CFHR4: variants seen among roughly 807,000 people sequenced by gnomAD.
The protein encoded by CFHR4 is complement factor H related 4, also known as complement factor H-related protein 4.
Under a neutral mutation model 69.3 loss-of-function variants are expected in CFHR4, and 64 were observed. That is an observed-to-expected ratio of 0.92 (90% CI 0.76 to 1.14). The LOEUF is 1.14. Ranked by LOEUF, CFHR4 falls within the 50% of genes most tolerant of loss-of-function variation. CFHR4 has a pLI of 0.00. For synonymous variants in CFHR4, 244 were observed against 237.0 expected, an observed-to-expected ratio of 1.03 and a Z score of -0.27; for missense variants, 636 against 684.9, an observed-to-expected ratio of 0.93 and a Z score of 0.80.
rs1252354197 is a variant in CFHR4, at chr1:196,889,811, T to C, written c.58+1603T>C. Reference sequence around the variant, plus strand: ...AAGATGTAATTAAGTTAAAGGTCAATGATTCAGGTGGGACCTACTCCAATA... The same window carrying C: ...AAGATGTAATTAAGTTAAAGGTCAACGATTCAGGTGGGACCTACTCCAATA... On this transcript the variant is annotated intron_variant, in intron 1 of 9. Coordinates refer to ENST00000608469, the MANE Select transcript of CFHR4 (RefSeq NM_001201550.3). Among the ~76,000 whole-genome samples, 4 of 151,408 alleles carry C rather than the reference T, an allele frequency of 2.6e-5. 1 individual carries two copies. Among genetic ancestry groups the C allele is most frequent in the African/African-American group, 9.7e-5 (4 of 41,036 alleles).
At position 196,912,654 on chromosome 1, in the gene CFHR4, C is replaced by T. The variant is rs1658339705; in HGVS notation, c.998-86C>T. On this transcript the variant is annotated intron_variant, in intron 6 of 9. Transcript: ENST00000608469. ...CATTAACAAATGTTTCATTGTTTTGCCATATTGCCATGTTTTTACTTGTTC... is the reference window on the plus strand; with the variant it reads ...CATTAACAAATGTTTCATTGTTTTGTCATATTGCCATGTTTTTACTTGTTC... 3 of 1,357,372 alleles carry T rather than the reference C, an allele frequency of 2.2e-6. No homozygotes were observed. In the Admixed American group the frequency reaches 7.8e-5, roughly 35 times the overall value. 84.1% of individuals were successfully genotyped at this position (1,357,372 alleles called of 1,614,324 possible). A position where few individuals can be genotyped will look rare whatever the true frequency, so the allele number is the denominator to read the frequency against.
intron 1 of CFHR4, among the ~76,000 whole-genome samples, chr1:196,889,234 AT>A (rs1656890546): frequency 1.3e-5 from 2 of 151,502 alleles, no homozygotes; most frequent in Non-Finnish European, 2.9e-5. Flanking sequence ...GTTTTACAGT[AT>A]TATCTATCAC....
chr1:196,893,930 C>G (rs141369091), intron 1 of CFHR4, among the ~76,000 whole-genome samples: 44 of 151,538 alleles, frequency 2.9e-4, no homozygotes, highest in Non-Finnish European at 5.2e-4. Context: ...TGACACAGAC[C>G]TAATCTCTCT....
rs1186696248 is a variant in CFHR4 at position 196,905,146 on chromosome 1, T to C, written c.295T>C (p.Phe99Leu). The C allele has an allele frequency of 4.4e-6, 7 of 1,604,424 alleles. No individual in the cohort carries two copies. The highest frequency in any genetic ancestry group is 2.7e-5 in the African/African-American group (2 of 73,866). The change falls in exon 3 of 10, where the codon TTC becomes CTC. Residue 99 changes from phenylalanine (F) to leucine (L), a missense_variant. Physicochemically the swap from Phe to Leu is conservative, Grantham distance 22 (BLOSUM62 0). Coordinates refer to ENST00000608469, the MANE Select transcript of CFHR4 (RefSeq NM_001201550.3). ...ATCAGATGTAGAAATTGAAAATGGA[T>C]TCATTTCTGAATCTTCCTCTATTTA... The part of the protein sequence containing the change: ...SKSDVEIENG[F>L]ISESSSIYIL...
At chr1:196,897,994 A>G (rs1425558848) in intron 1 of CFHR4, among the ~76,000 whole-genome samples, 1 of 151,492 alleles carries the variant, frequency 6.6e-6, no homozygotes, top group African/African-American at 2.4e-5. Flanking sequence ...TCTGTGTGGA[A>G]TACATGGATG....
chr1:196,893,202 G>A (rs1339473113), intron 1 of CFHR4, among the ~76,000 whole-genome samples: 1 of 151,700 alleles, frequency 6.6e-6, no homozygotes, highest in Admixed American at 6.6e-5. Context: ...AGAAATTGTA[G>A]CGTAAGAAGC....
intron 1 of CFHR4, among the ~76,000 whole-genome samples, chr1:196,892,369 G>A (rs1232151062): frequency 6.6e-6 from 1 of 151,518 alleles, no homozygotes; most frequent in African/African-American, 2.4e-5. Flanking sequence ...ATGGTTGAGA[G>A]AAGATGATAT....
At chr1:196,902,308 C>A in intron 1 of CFHR4, 110 bp from the exon 2 acceptor site, 1 of 781,794 alleles carries the variant, frequency 1.3e-6, no homozygotes, top group Middle Eastern at 3.8e-4. Flanking sequence ...CCTAAAACCC[C>A]TAATTCATTA....
intron 1 of CFHR4, among the ~76,000 whole-genome samples, chr1:196,889,296 A>T (rs1372917090): frequency 6.6e-6 from 1 of 151,514 alleles, no homozygotes; most frequent in East Asian, 1.9e-4. Context: ...ATTTGTGCCA[A>T]AATGAAAAAA....
intron 1 of CFHR4, among the ~76,000 whole-genome samples, chr1:196,891,021 C>T (rs532138218): frequency 6.6e-6 from 1 of 151,528 alleles, no homozygotes; most frequent in Non-Finnish European, 1.5e-5. Context: ...GAGGCCAAGT[C>T]GGGGAGATCA....
intron 7 of CFHR4, among the ~76,000 whole-genome samples, chr1:196,913,734 G>A (rs1658412012): frequency 6.6e-6 from 1 of 151,044 alleles, no homozygotes; most frequent in South Asian, 2.1e-4. Context: ...TCATTATCAA[G>A]GGTACAATTC....
intron 1 of CFHR4, among the ~76,000 whole-genome samples, chr1:196,892,132 T>A (rs1048246380): frequency 4.0e-5 from 6 of 151,588 alleles, no homozygotes; most frequent in South Asian, 2.1e-4. Context: ...TTAACGCTGA[T>A]AAAATTTCCA....
chr1:196,909,926 T>C (rs1375064617), intron 5 of CFHR4, among the ~76,000 whole-genome samples: 3 of 150,976 alleles, frequency 2.0e-5, no homozygotes, highest in Non-Finnish European at 4.4e-5. Flanking sequence ...CCAAAGCAGG[T>C]CGATCACCTG....
At chr1:196,890,250 T>A (rs1215372769) in intron 1 of CFHR4, among the ~76,000 whole-genome samples, 1 of 151,604 alleles carries the variant, frequency 6.6e-6, no homozygotes. Context: ...ATACCTGTAT[T>A]CATATCTATT....
At chr1:196,909,732 C>T (rs1043288536) in intron 5 of CFHR4, among the ~76,000 whole-genome samples, 2 of 151,208 alleles carry the variant, frequency 1.3e-5, no homozygotes, top group African/African-American at 4.9e-5. Context: ...GGGCTTAATA[C>T]CTAGCGTATG....
Position 196,910,445 on chromosome 1 carries a change from C to A in CFHR4, c.964C>A (p.Gln322Lys), listed in dbSNP as rs751607261. Residue 322 changes from glutamine (Q) to lysine (K), a missense_variant, in exon 6 of 10, where the codon CAA (glutamine) becomes AAA (lysine). Gln to Lys is a moderately conservative substitution (Grantham distance 53, BLOSUM62 1). This residue lies in a region of CFHR4 where 529 missense variants were observed against 533.2 expected (regional missense o/e 0.99). Transcript: ENST00000608469. ...TTACTGGGATTACATTCACTGCACA[C>A]AAGATGGGTGGTTGCCAACAGTCCC... is the stretch of plus-strand genomic sequence containing the variant. ...GSYWDYIHCTQDGWLPTVPCL... is the reference protein window; with the variant it reads ...GSYWDYIHCTKDGWLPTVPCL... The A allele has an allele frequency of 1.2e-5, 20 of 1,612,664 alleles. No individual in the cohort carries two copies. The African/African-American group carries it at 2.3e-4, about 18-fold the overall frequency.
intron 1 of CFHR4, among the ~76,000 whole-genome samples, chr1:196,891,575 G>C (rs1484113008): frequency 2.0e-5 from 3 of 151,374 alleles, no homozygotes; most frequent in African/African-American, 4.9e-5. Flanking sequence ...TGTGTCACTA[G>C]CCTCCTTCCA....
intron 1 of CFHR4, among the ~76,000 whole-genome samples, chr1:196,888,547 T>A (rs1316140499): frequency 6.6e-6 from 1 of 151,324 alleles, no homozygotes; most frequent in South Asian, 2.1e-4. Flanking sequence ...CAGAATTTTC[T>A]TATTCATAAT....
chr1:196,901,178 C>T (rs1657579673), intron 1 of CFHR4, among the ~76,000 whole-genome samples: 1 of 150,908 alleles, frequency 6.6e-6, no homozygotes, highest in African/African-American at 2.5e-5. Flanking sequence ...GATTTATACC[C>T]TAAAATCAGA....
Sources: gnomAD v4.1 joint callset for allele counts (sites outside exome capture counted in the v4.1 genomes callset) on GRCh38, gnomAD v4.1.1 for gene constraint, gnomAD v4.1.1 regional missense constraint, MANE v1.5 for transcripts, NCBI Gene and HGNC (gene_info 2026-07-23, HGNC 2026-07-21) for gene names.